The following EYS variants were observed in gnomAD, a reference collection of about 807,000 sequenced individuals.
EYS encodes the protein protein eyes shut homolog.
EYS carries 250 observed loss-of-function variants against 282.1 expected under a neutral mutation model. The observed-to-expected ratio is 0.89, with a 90% CI of 0.80 to 0.98. The LOEUF (loss-of-function observed/expected upper bound fraction) is 0.98, where lower values mean the gene tolerates loss of function less well. Ranked by LOEUF, EYS falls within the 50% of genes least tolerant of loss-of-function variation. The pLI, the probability that EYS is intolerant of heterozygous loss-of-function variation, is 0.00. For missense variants in EYS, 4,016 were observed against 3,709.0 expected (o/e 1.08, Z -2.15); for synonymous variants, 1,355 against 1,282.9 (o/e 1.06, Z -1.20).
chr6:63,833,140 C>T (rs904831054), intron 36 of EYS, among the ~76,000 whole-genome samples: 1 of 152,100 alleles, frequency 6.6e-6, no homozygotes, highest in African/African-American at 2.4e-5. Context: ...GGAAGCATTC[C>T]ATATGAAAAC....
At chr6:64,874,957 A>G (rs1766700335) in intron 19 of EYS, among the ~76,000 whole-genome samples, 1 of 149,256 alleles carries the variant, frequency 6.7e-6, no homozygotes, top group African/African-American at 2.6e-5. Context: ...AGCTCATTCC[A>G]AATGCAGTAC....
intron 19 of EYS, among the ~76,000 whole-genome samples, chr6:64,880,763 A>T (rs890176272): frequency 1.3e-5 from 2 of 149,016 alleles, no homozygotes; most frequent in African/African-American, 2.4e-5. Flanking sequence ...ATACATATTT[A>T]TATATATTTA....
intron 12 of EYS, among the ~76,000 whole-genome samples, chr6:65,096,102 A>G (rs1459853789): frequency 6.6e-6 from 1 of 151,090 alleles, no homozygotes; most frequent in Admixed American, 6.6e-5. Context: ...GTAAAATTTC[A>G]GTATACATAA....
At chr6:63,739,516 C>A (rs1582159286) in intron 41 of EYS, among the ~76,000 whole-genome samples, 1 of 152,230 alleles carries the variant, frequency 6.6e-6, no homozygotes, top group East Asian at 1.9e-4. Context: ...TCTCTTCAGT[C>A]CTCGTGAGGG....
intron 22 of EYS, among the ~76,000 whole-genome samples, chr6:64,783,220 T>A (rs1023179699): frequency 6.6e-6 from 1 of 152,130 alleles, no homozygotes; most frequent in Non-Finnish European, 1.5e-5. Flanking sequence ...ATGATTGTCC[T>A]ATTTCATTAC....
At chr6:64,523,750 G>T (rs75191711) in intron 26 of EYS, among the ~76,000 whole-genome samples, 6,467 of 151,706 alleles carry the variant, frequency 0.043, 344 homozygotes, top group African/African-American at 0.12. Context: ...CCTGAATGAT[G>T]AATATCCAAA....
intron 5 of EYS, among the ~76,000 whole-genome samples, chr6:65,414,402 G>T (rs1767149219): frequency 6.6e-6 from 1 of 152,166 alleles, no homozygotes; most frequent in Admixed American, 6.5e-5. Context: ...AAGGAAAGCA[G>T]AGAGACAAGA....
chr6:64,452,289 T>C (rs1042264116), intron 26 of EYS, among the ~76,000 whole-genome samples: 2 of 151,942 alleles, frequency 1.3e-5, no homozygotes, highest in African/African-American at 4.8e-5. Context: ...TACCTAGGAA[T>C]CCAACTTACA....
chr6:64,934,602 A>G (rs1768843804), intron 15 of EYS, among the ~76,000 whole-genome samples: 1 of 151,844 alleles, frequency 6.6e-6, no homozygotes, highest in South Asian at 2.1e-4. Flanking sequence ...AAGCAGCAGA[A>G]TGATATATTT....
chr6:64,515,717 A>G (rs1214911692), intron 26 of EYS, among the ~76,000 whole-genome samples: 1 of 151,620 alleles, frequency 6.6e-6, no homozygotes, highest in Non-Finnish European at 1.5e-5. Context: ...GTTAATTACT[A>G]AATTTCCACT....
chr6:64,378,158 G>A (rs943737409), intron 29 of EYS, among the ~76,000 whole-genome samples: 1 of 79,182 alleles, frequency 1.3e-5, no homozygotes, highest in Non-Finnish European at 3.0e-5. Flanking sequence ...AAAGCCTGAG[G>A]AATGGTTAAC....
chr6:64,305,308 A>G (rs894494092), intron 30 of EYS, among the ~76,000 whole-genome samples: 1 of 152,016 alleles, frequency 6.6e-6, no homozygotes, highest in African/African-American at 2.4e-5. Flanking sequence ...GAATTGGAAA[A>G]AAGTGATATA....
intron 2 of EYS, among the ~76,000 whole-genome samples, chr6:65,503,747 A>T (rs752179218): frequency 1.3e-5 from 2 of 151,676 alleles, no homozygotes; most frequent in African/African-American, 2.4e-5. Flanking sequence ...TTGATTATTT[A>T]TCACAGATTA....
intron 31 of EYS, among the ~76,000 whole-genome samples, chr6:64,159,721 AT>A (rs60016965): frequency 0.057 from 8,575 of 151,512 alleles, 809 homozygotes; most frequent in African/African-American, 0.2. Flanking sequence ...TATCCTACAT[AT>A]TTTTTTTCCG....
At chr6:63,860,505 C>A (rs900922809) in intron 36 of EYS, among the ~76,000 whole-genome samples, 1 of 152,204 alleles carries the variant, frequency 6.6e-6, no homozygotes, top group Non-Finnish European at 1.5e-5. Context: ...CTCTCTTTTG[C>A]CCCTTGGGCA....
chr6:64,348,333 G>T (rs1474930862), intron 29 of EYS, among the ~76,000 whole-genome samples: 1 of 151,414 alleles, frequency 6.6e-6, no homozygotes, highest in East Asian at 2.0e-4. Flanking sequence ...CATATGTAAG[G>T]TCTTCAAGCA....
In EYS at chr6:64,147,928, TGA is replaced by T. The variant is rs1304480308; in HGVS notation, c.6425-65928_6425-65927del. Among the ~76,000 whole-genome samples, 510 of 152,252 alleles carry T rather than the reference TGA, an allele frequency of 3.3e-3. 2 individuals are homozygous for T. Among genetic ancestry groups the T allele is most frequent in the Non-Finnish European group, 4.4e-3 (299 of 68,010 alleles). On this transcript the variant is annotated intron_variant, in intron 31 of 42. Transcript: ENST00000503581. ...ATAAACTTTTGTTTTGTCAAGCCAG[TGA>T]GACTTTGGGGTTGCCTGATACCATA...
At chr6:65,161,035 A>T (rs991068593) in intron 12 of EYS, among the ~76,000 whole-genome samples, 1 of 150,892 alleles carries the variant, frequency 6.6e-6, no homozygotes, top group African/African-American at 2.4e-5. Context: ...TTCATGGTAT[A>T]ACCTACTTAA....
rs372274387 is a variant in EYS, at chr6:63,914,998, T to C, written c.7056-50640A>G. ...GCAAGTGCTAGTAGAAGCTACAGCATGTTATTCAGAAAATCTAGCTAATAT... is the reference window on the plus strand; with the variant it reads ...GCAAGTGCTAGTAGAAGCTACAGCACGTTATTCAGAAAATCTAGCTAATAT... On this transcript the variant is annotated intron_variant, in intron 35 of 42. Coordinates refer to ENST00000503581, the MANE Select transcript of EYS (RefSeq NM_001142800.2). 7.2e-5 allele frequency among the ~76,000 whole-genome samples: 11 copies of C among 152,320 alleles called. No homozygotes were observed. In the East Asian group the frequency reaches 2.1e-3, roughly 29 times the overall value.
Sources: gnomAD v4.1 joint callset for allele counts (sites outside exome capture counted in the v4.1 genomes callset) on GRCh38, gnomAD v4.1.1 for gene constraint, MANE v1.5 for transcripts, NCBI Gene and HGNC (gene_info 2026-07-23, HGNC 2026-07-21) for gene names.